ZNF343: variants seen among roughly 807,000 people sequenced by gnomAD.
The protein encoded by ZNF343 is zinc finger protein 343.
In ZNF343, 11 loss-of-function variants were observed where a neutral mutation model predicts 13.8. The observed-to-expected ratio is 0.80, with a 90% confidence interval of 0.50 to 1.32. The LOEUF (loss-of-function observed/expected upper bound fraction) is 1.32. Ranked by LOEUF, ZNF343 falls within the 40% of genes most tolerant of loss-of-function variation. The pLI, the probability that ZNF343 is intolerant of heterozygous loss-of-function variation, is 0.00. For missense variants in ZNF343, 658 were observed against 714.2 expected (o/e 0.92, Z 0.90); for synonymous variants, 248 against 260.0 (o/e 0.95, Z 0.44).
intron 2 of ZNF343, 70 bp from the exon 3 acceptor site, chr20:2,494,114 A>G (rs2085418724): frequency 1.9e-6 from 1 of 520,170 alleles, no homozygotes; most frequent in Non-Finnish European, 3.4e-6. Context: ...TGCCTCTTCA[A>G]CAGGGATCCT....
intron 5 of ZNF343, 25 bp downstream of exon 5, chr20:2,492,674 A>C: frequency 6.2e-7 from 1 of 1,601,342 alleles, no homozygotes; most frequent in African/African-American, 1.4e-5. Flanking sequence ...GAATTAATGA[A>C]GGAAAGGAAA....
intron 2 of ZNF343, among the ~76,000 whole-genome samples, chr20:2,498,853 C>T (rs1044646401): frequency 6.6e-6 from 1 of 152,102 alleles, no homozygotes; most frequent in African/African-American, 2.4e-5. Context: ...GGCTTTGAAT[C>T]TAGGCAATCT....
rs770976856 is a variant in ZNF343 at position 2,483,194 on chromosome 20, C to CT, written c.1766dup (p.Ser590ValfsTer50). ...TCCTCTGGTGTCTGATGAGATTTGA[C>CT]TTATGACTAAAGCCTCGCCCACACT... is the stretch of plus-strand genomic sequence containing the variant. On this transcript the variant is annotated frameshift_variant, in exon 6 of 6. Transcript: ENST00000278772. LOFTEE classifies it low-confidence loss of function (END_TRUNC). The CT allele has an allele frequency of 9.3e-6, 15 of 1,611,924 alleles. No homozygotes were observed. In the South Asian group the frequency reaches 1.7e-4, roughly 18 times the overall value.
intron 5 of ZNF343, among the ~76,000 whole-genome samples, chr20:2,488,943 G>A (rs1403374971): frequency 1.3e-5 from 2 of 152,286 alleles, no homozygotes; most frequent in African/African-American, 4.8e-5. Flanking sequence ...TACTAGGAAG[G>A]TTGAGGTGGG....
At chr20:2,507,492 C>T (rs1488641602) in intron 1 of ZNF343, among the ~76,000 whole-genome samples, 1 of 152,140 alleles carries the variant, frequency 6.6e-6, no homozygotes, top group Admixed American at 6.5e-5. Flanking sequence ...TAAACTCTTA[C>T]TGTATACCAG....
chr20:2,523,743 C>G (rs543833899), intron 1 of ZNF343, among the ~76,000 whole-genome samples: 1 of 129,680 alleles, frequency 7.7e-6, no homozygotes, highest in Admixed American at 9.7e-5. Context: ...TGCAATGGTG[C>G]GATCTTGGCT....
chr20:2,483,790 A>G lies in ZNF343; in HGVS notation c.1171T>C (p.Cys391Arg), dbSNP rs762280662. The G allele has an allele frequency of 1.9e-6, 3 of 1,604,782 alleles. No homozygotes were observed. The highest frequency in any genetic ancestry group is 2.5e-6 in the Non-Finnish European group (3 of 1,177,308). ...YVCLECGRSF[C>R]DKSTLRKHQR... ...TGTTTTCTGAGGGTTGACTTATCAC[A>G]AAAGCTTCGTCCACACTCCAGGCAC... Residue 391 changes from cysteine (C) to arginine (R), a missense_variant, in exon 6 of 6, where the codon TGT becomes CGT. By Grantham distance (180) the Cys-to-Arg change is radical. Coordinates refer to ENST00000278772, the MANE Select transcript of ZNF343 (RefSeq NM_024325.6).
chr20:2,496,880 A>G (rs1232277386), intron 2 of ZNF343, among the ~76,000 whole-genome samples: 1 of 152,178 alleles, frequency 6.6e-6, no homozygotes, highest in Non-Finnish European at 1.5e-5. Context: ...CGGGAGTTTG[A>G]GACCAGCCTG....
intron 1 of ZNF343, among the ~76,000 whole-genome samples, chr20:2,521,381 G>C (rs2085781648): frequency 6.6e-6 from 1 of 152,322 alleles, no homozygotes; most frequent in East Asian, 1.9e-4. Context: ...TGGGGACTCA[G>C]CATTGGGAAG....
intron 1 of ZNF343, among the ~76,000 whole-genome samples, chr20:2,502,977 G>A (rs950261734): frequency 1.3e-5 from 2 of 152,176 alleles, no homozygotes; most frequent in Admixed American, 6.5e-5. Flanking sequence ...AACCTTAAAT[G>A]TAAATGGGCT....
intron 5 of ZNF343, among the ~76,000 whole-genome samples, chr20:2,489,390 A>G (rs911289732): frequency 1.3e-5 from 2 of 151,982 alleles, no homozygotes; most frequent in African/African-American, 2.4e-5. Context: ...TTTGCTCATA[A>G]TATCTGCTGT....
At chr20:2,517,297 A>G (rs566665439) in intron 1 of ZNF343, among the ~76,000 whole-genome samples, 21 of 152,006 alleles carry the variant, frequency 1.4e-4, no homozygotes, top group Non-Finnish European at 2.6e-4. Flanking sequence ...ATGTATATGT[A>G]TACACACACA....
At chr20:2,484,692 A>G (rs760785767) in intron 5 of ZNF343, 36 bp from the exon 6 acceptor site, 1 of 1,547,704 alleles carries the variant, frequency 6.5e-7, no homozygotes, top group East Asian at 2.2e-5. Flanking sequence ...AGTAGCCATA[A>G]GTAGGGCTGC....
At chr20:2,486,178 G>A (rs370321153) in intron 5 of ZNF343, among the ~76,000 whole-genome samples, 4 of 152,208 alleles carry the variant, frequency 2.6e-5, no homozygotes, top group East Asian at 3.9e-4. Flanking sequence ...CATTTCAGTA[G>A]GAGAAGAAAT....
At chr20:2,485,164 C>T (rs16986047) in intron 5 of ZNF343, among the ~76,000 whole-genome samples, 6,256 of 152,164 alleles carry the variant, frequency 0.041, 262 homozygotes, top group South Asian at 0.16. Context: ...TTTCAGGCTG[C>T]CCACCTGTAA....
Position 2,484,295 on chromosome 20 carries a change from GT to G in ZNF343, c.665del (p.Asn222ThrfsTer5). ...TCAAGCCTTTGTCTAGCTGCACAGG[GT>G]TTGGTCTTTGGGCTGAGCTGGGCTC... ...ETEPSSAQRPNPVQLDKGLKE... is the reference protein window; with the variant it reads ...ETEPSSAQRPXPVQLDKGLKE... On this transcript the variant is annotated frameshift_variant, in exon 6 of 6. Coordinates refer to ENST00000278772, the MANE Select transcript of ZNF343 (RefSeq NM_024325.6). LOFTEE classifies it low-confidence loss of function (END_TRUNC). 1 of 1,614,174 alleles carries G rather than the reference GT, an allele frequency of 6.2e-7. No homozygotes were observed. The highest frequency in any genetic ancestry group is 1.1e-5 in the South Asian group (1 of 91,082).
chr20:2,488,062 TTA>T (rs1311754037), intron 5 of ZNF343, among the ~76,000 whole-genome samples: 2 of 152,228 alleles, frequency 1.3e-5, no homozygotes, highest in Non-Finnish European at 2.9e-5. Context: ...AAATAACTCT[TTA>T]TATGTGATAT....
intron 5 of ZNF343, among the ~76,000 whole-genome samples, chr20:2,485,279 C>T (rs530769238): frequency 2.0e-5 from 3 of 152,282 alleles, no homozygotes; most frequent in African/African-American, 7.2e-5. Context: ...GATTCTGGCA[C>T]CAAGCCAAAA....
rs2085254346 is a variant in ZNF343, at chr20:2,484,628, A to G, written c.333T>C (p.Cys111=). 3.1e-6 allele frequency: 5 copies of G among 1,605,726 alleles called. No homozygotes were observed. The highest frequency in any genetic ancestry group is 4.3e-6 in the Non-Finnish European group (5 of 1,175,838). The change falls in exon 6 of 6, where the codon TGT becomes TGC. Residue 111 remains cysteine (C), a synonymous_variant. Transcript: ENST00000278772. ...AGGAGAAGGCCAGAAGGCAGGAGGA[A>G]CAAGTGTAGATTTCTGGCTTTGGTT... ...LAEPKPEIYT[C]SSCLLAFSCQ... is the part of the protein sequence containing the mutation.
Sources: allele counts gnomAD v4.1 joint callset (sites outside exome capture counted in the v4.1 genomes callset), GRCh38; gene constraint gnomAD v4.1.1; transcripts MANE v1.5; gene names NCBI Gene and HGNC (gene_info 2026-07-23, HGNC 2026-07-21).